Variants in SAMD12 observed in about 807,000 individuals in gnomAD.
SAMD12 encodes sterile alpha motif domain containing 12, also known as sterile alpha motif domain-containing protein 12.
Under a neutral mutation model 15.0 loss-of-function variants are expected in SAMD12, and 9 were observed. That is an observed-to-expected ratio of 0.60 (90% CI 0.36 to 1.05). SAMD12 has a LOEUF of 1.05. SAMD12 is among the 50% of genes least tolerant of loss of function. The pLI is 0.01. For synonymous variants in SAMD12, 86 were observed against 90.1 expected (o/e 0.96, Z 0.25); for missense variants, 230 against 234.2 (o/e 0.98, Z 0.12).
intron 2 of SAMD12, among the ~76,000 whole-genome samples, chr8:118,490,679 C>T (rs1824416861): frequency 6.6e-6 from 1 of 152,092 alleles, no homozygotes; most frequent in Non-Finnish European, 1.5e-5. Context: ...CAGGTGTGAC[C>T]AGCATCTTCA....
At chr8:118,453,403 T>A (rs1350911667) in intron 2 of SAMD12, among the ~76,000 whole-genome samples, 1 of 152,228 alleles carries the variant, frequency 6.6e-6, no homozygotes, top group African/African-American at 2.4e-5. Flanking sequence ...CAAATAAGTT[T>A]CCCAGCCTTA....
intron 2 of SAMD12, among the ~76,000 whole-genome samples, chr8:118,534,415 T>C (rs12550579): frequency 6.6e-6 from 1 of 151,776 alleles, no homozygotes; most frequent in Non-Finnish European, 1.5e-5. Flanking sequence ...CTGACAATTA[T>C]GTGTCTTGGA....
chr8:118,321,140 AATAAATATATATATATATATAT>A (rs1563761404), intron 4 of SAMD12, among the ~76,000 whole-genome samples: 1 of 78,734 alleles, frequency 1.3e-5, no homozygotes, highest in East Asian at 6.0e-4. Context: ...TATCATAGAT[AATAAATATATATATATATATAT>A]ATATATATAT....
intron 3 of SAMD12, among the ~76,000 whole-genome samples, chr8:118,381,380 C>CT (rs1465239615): frequency 2.6e-5 from 4 of 152,164 alleles, no homozygotes; most frequent in Non-Finnish European, 4.4e-5. Flanking sequence ...ATTTCCATTG[C>CT]TTTCTATGGC....
At chr8:118,550,701 A>T (rs1826300771) in intron 2 of SAMD12, among the ~76,000 whole-genome samples, 4 of 151,798 alleles carry the variant, frequency 2.6e-5, no homozygotes, top group Admixed American at 2.6e-4. Flanking sequence ...ATGTAAATGG[A>T]CTAAATGCTC....
intron 2 of SAMD12, among the ~76,000 whole-genome samples, chr8:118,561,991 G>A (rs1375143797): frequency 1.3e-5 from 2 of 151,980 alleles, no homozygotes; most frequent in Non-Finnish European, 2.9e-5. Context: ...GAGTATAAAA[G>A]AAAAAAATTA....
exon 5 of SAMD12, chr8:118,193,308 GCTCT>G (rs1168180230): frequency 3.9e-5 from 6 of 152,194 alleles, no homozygotes; most frequent in South Asian, 2.1e-4. Context: ...TCAAAAGAAT[GCTCT>G]CTGTCTTCCC....
intron 2 of SAMD12, among the ~76,000 whole-genome samples, chr8:118,505,327 TC>T (rs1199280540): frequency 3.3e-5 from 5 of 150,532 alleles, no homozygotes; most frequent in African/African-American, 7.3e-5. Flanking sequence ...TTGTCTCCTT[TC>T]TTATGGGCAG....
At chr8:118,382,532 G>A (rs899225244) in intron 3 of SAMD12, among the ~76,000 whole-genome samples, 5 of 152,136 alleles carry the variant, frequency 3.3e-5, no homozygotes, top group African/African-American at 1.2e-4. Context: ...TAATAGCATT[G>A]GGTTTAAATA....
rs117729337 is a variant in SAMD12, at chr8:118,371,786, G to A, written c.433+7774C>T. 9.9e-4 allele frequency among the ~76,000 whole-genome samples: 151 copies of A among 152,198 alleles called. 2 individuals are homozygous for A. The East Asian group carries it at 0.023, about 23-fold the overall frequency. On this transcript the variant is annotated intron_variant, in intron 4 of 4. Coordinates refer to the SAMD12 transcript ENST00000409003. ...ACTATGAAGTAGGGGATGCTTAAGC[G>A]GTAGAGGGTGAGATTGTCCAGGCAG... is the stretch of plus-strand genomic sequence containing the variant.
chr8:118,216,292 G>A (rs559859398), intron 4 of SAMD12, among the ~76,000 whole-genome samples: 4 of 151,964 alleles, frequency 2.6e-5, no homozygotes, highest in South Asian at 2.1e-4. Flanking sequence ...CATGTCCTTC[G>A]CCCACTTTTT....
At chr8:118,137,731 C>T in the SAMD12 span, among the ~76,000 whole-genome samples, 529 of 152,186 alleles carry the variant, frequency 3.5e-3, 3 homozygotes, top group Middle Eastern at 0.017. Flanking sequence ...ACATAAAATA[C>T]GCTAACACTA....
At chr8:118,381,839 C>A (rs1314435070) in intron 3 of SAMD12, among the ~76,000 whole-genome samples, 3 of 152,192 alleles carry the variant, frequency 2.0e-5, no homozygotes, top group Non-Finnish European at 4.4e-5. Flanking sequence ...TCTGTTATAG[C>A]AGCAGTTGGC....
intron 2 of SAMD12, among the ~76,000 whole-genome samples, chr8:118,485,100 C>T (rs993665009): frequency 2.9e-4 from 44 of 152,276 alleles, no homozygotes; most frequent in African/African-American, 9.4e-4. Context: ...CTTCTATGTG[C>T]TTTTTCATAG....
At chr8:118,551,875 A>G (rs1242401802) in intron 2 of SAMD12, among the ~76,000 whole-genome samples, 2 of 151,676 alleles carry the variant, frequency 1.3e-5, no homozygotes, top group Non-Finnish European at 1.5e-5. Context: ...AATACAAACT[A>G]CCATCAGAGA....
intron 2 of SAMD12, among the ~76,000 whole-genome samples, chr8:118,576,214 A>G (rs1194503813): frequency 6.6e-6 from 1 of 152,228 alleles, no homozygotes; most frequent in Non-Finnish European, 1.5e-5. Flanking sequence ...ACATGGGATA[A>G]TGAACACTTG....
chr8:118,254,188 T>C (rs1328360939), intron 4 of SAMD12, among the ~76,000 whole-genome samples: 1 of 152,166 alleles, frequency 6.6e-6, no homozygotes, highest in African/African-American at 2.4e-5. Flanking sequence ...TAACCACTTA[T>C]TTCAGAACAT....
At chr8:118,418,664 A>G (rs1373686497) in intron 3 of SAMD12, among the ~76,000 whole-genome samples, 12 of 151,908 alleles carry the variant, frequency 7.9e-5, no homozygotes, top group Admixed American at 7.9e-4. Flanking sequence ...GCTTGCAGTG[A>G]GCCGAGATTG....
intron 4 of SAMD12, among the ~76,000 whole-genome samples, chr8:118,207,702 C>CT (rs937255652): frequency 3.9e-5 from 6 of 152,068 alleles, no homozygotes; most frequent in African/African-American, 1.4e-4. Flanking sequence ...TCTTCTTCTT[C>CT]TTTTTTTAAA....
Sources: allele counts gnomAD v4.1 joint callset (sites outside exome capture counted in the v4.1 genomes callset), GRCh38; gene constraint gnomAD v4.1.1; transcripts MANE v1.5; gene names NCBI Gene and HGNC (gene_info 2026-07-23, HGNC 2026-07-21).